CACNA1A: variants seen among roughly 807,000 people sequenced by gnomAD.
CACNA1A encodes the protein voltage-dependent P/Q-type calcium channel subunit alpha-1A.
In CACNA1A, 57 loss-of-function variants were observed where a neutral mutation model predicts 262.4. That is an observed-to-expected ratio of 0.22 (90% CI 0.18 to 0.27). The LOEUF is 0.27. Among genes scored for constraint, CACNA1A ranks in the 10% least tolerant of loss-of-function variants. The pLI is 1.00. For missense variants in CACNA1A, 2,526 were observed against 3,562.8 expected, an observed-to-expected ratio of 0.71 and a Z score of 7.41; for synonymous variants, 1,431 against 1,419.3, an observed-to-expected ratio of 1.01 and a Z score of -0.18.
At chr19:13,490,087 G>C (rs911405542) in intron 1 of CACNA1A, among the ~76,000 whole-genome samples, 1 of 152,062 alleles carries the variant, frequency 6.6e-6, no homozygotes, top group African/African-American at 2.4e-5. Flanking sequence ...CAGTGCCCAT[G>C]CCAAGGAGGA....
chr19:13,336,594 G>GGAGAGAGAGAGAGAGA (rs547329827), intron 6 of CACNA1A, among the ~76,000 whole-genome samples: 16 of 65,492 alleles, frequency 2.4e-4, no homozygotes, highest in African/African-American at 3.6e-4. Context: ...AGAGAGAGAG[G>GGAGAGAGAGAGAGAGA]GAGAGAGAGA....
At chr19:13,423,047 C>A (rs898500509) in intron 3 of CACNA1A, among the ~76,000 whole-genome samples, 1 of 152,216 alleles carries the variant, frequency 6.6e-6, no homozygotes, top group African/African-American at 2.4e-5. Context: ...TGAGAGTGGT[C>A]TTGGAGAACC....
chr19:13,232,202 CTCTT>C (rs1351207002), intron 34 of CACNA1A, among the ~76,000 whole-genome samples: 8 of 147,600 alleles, frequency 5.4e-5, no homozygotes, highest in Middle Eastern at 3.4e-3. Context: ...CTCTCTCTCT[CTCTT>C]TTTTTTTTTT....
chr19:13,454,620 C>T (rs572632999), intron 2 of CACNA1A, among the ~76,000 whole-genome samples: 7 of 152,252 alleles, frequency 4.6e-5, no homozygotes, highest in African/African-American at 1.7e-4. Flanking sequence ...GATCTACCTG[C>T]CTTGGCCTCC....
chr19:13,265,420 C>A (rs78462787), intron 24 of CACNA1A, among the ~76,000 whole-genome samples: 1 of 152,126 alleles, frequency 6.6e-6, no homozygotes, highest in Non-Finnish European at 1.5e-5. Flanking sequence ...CCATTTTTTT[C>A]ATTTTTCAGG....
chr19:13,418,333 C>T (rs925991530), intron 3 of CACNA1A, among the ~76,000 whole-genome samples: 1 of 152,038 alleles, frequency 6.6e-6, no homozygotes, highest in Non-Finnish European at 1.5e-5. Context: ...GGTGTGTGTA[C>T]GTGGGAGGCA....
chr19:13,403,530 A>T (rs1213818450), intron 3 of CACNA1A, among the ~76,000 whole-genome samples: 2 of 152,156 alleles, frequency 1.3e-5, no homozygotes, highest in East Asian at 3.9e-4. Context: ...GACAAGTGTG[A>T]GGGGAACCCA....
chr19:13,465,220 C>T (rs540140991), intron 1 of CACNA1A, among the ~76,000 whole-genome samples: 23 of 151,572 alleles, frequency 1.5e-4, no homozygotes, highest in Non-Finnish European at 2.7e-4. Flanking sequence ...CATGAGCCAC[C>T]GCGTCCAGCC....
rs765687431 is a variant in CACNA1A at position 13,308,502 on chromosome 19, G to A, written c.1695C>T (p.Val565=). Residue 565 remains valine (V), a synonymous_variant, in exon 13 of 47, where the codon GTC becomes GTT. Coordinates refer to ENST00000360228, the MANE Select transcript of CACNA1A (RefSeq NM_001127222.2). The surrounding 1 kb of genome is among the most constrained non-coding windows in gnomAD (Gnocchi z 4.2). ...TGCCAGGTTTTATGACAGCCCAGAT[G>A]ACCTCGAAGATGCTCCCAATGATAA... ...CGVIIGSIFE[V]IWAVIKPGTS... 1.9e-5 allele frequency: 31 copies of A among 1,612,512 alleles called. No individual in the cohort carries two copies. The highest frequency in any genetic ancestry group is 6.6e-5 in the South Asian group (6 of 90,876).
rs779145959 is a variant in CACNA1A at position 13,208,718 on chromosome 19, G to A, written c.6780+38C>T. 2.0e-5 allele frequency: 30 copies of A among 1,534,088 alleles called. No homozygotes were observed. The South Asian group carries it at 3.3e-4, about 17-fold the overall frequency. ...CCCCTTCTCTCCTCCCCGCCTCCCGGCCGAGCCCAGCCTGGGGTCACTTGC... is the reference window on the plus strand; with the variant it reads ...CCCCTTCTCTCCTCCCCGCCTCCCGACCGAGCCCAGCCTGGGGTCACTTGC... On this transcript the variant is annotated intron_variant, in intron 46 of 46. Transcript: ENST00000360228.
chr19:13,275,594 T>C (rs2057126042), intron 24 of CACNA1A: 2 of 523,172 alleles, frequency 3.8e-6, no homozygotes, highest in Non-Finnish European at 7.0e-6. Context: ...AAGGGGCCAG[T>C]GATGTGGCTG....
chr19:13,424,529 G>A (rs181112437), intron 3 of CACNA1A, among the ~76,000 whole-genome samples: 107 of 152,106 alleles, frequency 7.0e-4, no homozygotes, highest in Middle Eastern at 3.4e-3. Flanking sequence ...GCAGTGGCAT[G>A]ATCATAGATC....
chr19:13,477,885 A>G (rs1247512863), intron 1 of CACNA1A, among the ~76,000 whole-genome samples: 2 of 152,034 alleles, frequency 1.3e-5, no homozygotes, highest in Non-Finnish European at 2.9e-5. Context: ...TGTCAACCCC[A>G]CTATCTTTGC....
At chr19:13,374,486 G>C (rs2144571792) in intron 3 of CACNA1A, among the ~76,000 whole-genome samples, 1 of 152,274 alleles carries the variant, frequency 6.6e-6, no homozygotes, top group East Asian at 1.9e-4. Flanking sequence ...CTGGCCTCAA[G>C]TGATCCTCTC....
rs1568709638 is a variant in CACNA1A, at chr19:13,497,521, AATATATATATATATATATATATATATAT to A, written c.293+8383_293+8410del. Among the ~76,000 whole-genome samples the A allele has an allele frequency of 1.6e-4, 2 of 12,570 alleles. 1 individual carries two copies. The highest frequency in any genetic ancestry group is 6.0e-4 in the African/African-American group (2 of 3,346). 8.2% of individuals were successfully genotyped at this position (12,570 alleles called of 152,430 possible). On this transcript the variant is annotated intron_variant, in intron 1 of 46. Coordinates refer to ENST00000360228, the MANE Select transcript of CACNA1A (RefSeq NM_001127222.2). ...AAAAAAAAAAAAAAAAAAAAAAAAA[AATATATATATATATATATATATATATAT>A]ATATATATATATATATATATATATA...
intron 1 of CACNA1A, among the ~76,000 whole-genome samples, chr19:13,471,961 A>C (rs1001520837): frequency 1.3e-5 from 2 of 152,116 alleles, no homozygotes; most frequent in African/African-American, 4.8e-5. Context: ...ATTTCACCTC[A>C]ATACAAAAAT....
chr19:13,347,265 T>C (rs937553825), intron 6 of CACNA1A, among the ~76,000 whole-genome samples: 1 of 151,806 alleles, frequency 6.6e-6, no homozygotes, highest in African/African-American at 2.4e-5. Context: ...GGTCTCACTA[T>C]GTGCCTAGGC....
intron 9 of CACNA1A, among the ~76,000 whole-genome samples, chr19:13,331,834 A>G (rs201621662): frequency 1.8e-5 from 2 of 113,708 alleles, no homozygotes; most frequent in African/African-American, 7.3e-5. Flanking sequence ...GGCTAAGTTT[A>G]TTTTTTGTAG....
Position 13,308,679 on chromosome 19 carries a change from C to A in CACNA1A, c.1669-151G>T. 1 of 581,396 alleles carries A rather than the reference C, an allele frequency of 1.7e-6. No homozygotes were observed. The highest frequency in any genetic ancestry group is 3.1e-6 in the Non-Finnish European group (1 of 327,586). 36.0% of individuals were successfully genotyped at this position (581,396 alleles called of 1,614,324 possible). A position where few individuals can be genotyped will look rare whatever the true frequency, so the allele number is the denominator to read the frequency against. ...AGGATCCTTGACCCCCTCATTCATC[C>A]ATTCATTTATCTATAGAGACCGGGT... On this transcript the variant is annotated intron_variant, in intron 12 of 46. Coordinates refer to ENST00000360228, the MANE Select transcript of CACNA1A (RefSeq NM_001127222.2). This position sits in a 1 kb window ranked among gnomAD's most constrained non-coding sequence, Gnocchi z 4.2.
Sources: allele counts gnomAD v4.1 joint callset (sites outside exome capture counted in the v4.1 genomes callset), GRCh38; gene constraint gnomAD v4.1.1; non-coding constraint Gnocchi (gnomAD v3.1); transcripts MANE v1.5; gene names NCBI Gene and HGNC (gene_info 2026-07-23, HGNC 2026-07-21).